The following EFCAB6 variants were observed in gnomAD, a reference collection of about 807,000 sequenced individuals.
The protein encoded by EFCAB6 is EF-hand calcium binding domain 6.
EFCAB6 carries 156 observed loss-of-function variants against 169.8 expected under a neutral mutation model. That is an observed-to-expected ratio of 0.92 (90% CI 0.81 to 1.05). The LOEUF is 1.05. Among genes scored for constraint, EFCAB6 ranks in the 50% least tolerant of loss-of-function variants. The probability of loss-of-function intolerance (pLI) is 0.00; values close to 1 mark genes in which losing one functional copy is unlikely to be tolerated. For synonymous variants in EFCAB6, 698 were observed against 676.4 expected, an observed-to-expected ratio of 1.03 and a Z score of -0.50; for missense variants, 1,800 against 1,829.1, an observed-to-expected ratio of 0.98 and a Z score of 0.29.
chr22:43,753,448 G>A (rs1195515884), intron 6 of EFCAB6, among the ~76,000 whole-genome samples: 1 of 152,096 alleles, frequency 6.6e-6, no homozygotes, highest in Admixed American at 6.6e-5. Context: ...AACCACCCTG[G>A]GCTTACAGAG....
intron 13 of EFCAB6, among the ~76,000 whole-genome samples, chr22:43,674,921 T>G (rs1046452943): frequency 6.6e-6 from 1 of 151,998 alleles, no homozygotes; most frequent in African/African-American, 2.4e-5. Flanking sequence ...CCACTAGGCT[T>G]GATCTGACTC....
rs1022849057 is a variant in EFCAB6, at chr22:43,566,508, T to C, written c.3420+9789A>G. Among the ~76,000 whole-genome samples, 4 of 152,270 alleles carry C rather than the reference T, an allele frequency of 2.6e-5. No homozygotes were observed. In the East Asian group the frequency reaches 7.7e-4, roughly 29 times the overall value. Reference sequence around the variant, plus strand: ...CTGAGCTGGGGAACAGGGAATCTTCTCTGGTCCTCACATCACCCTGAGAGG... The same window carrying C: ...CTGAGCTGGGGAACAGGGAATCTTCCCTGGTCCTCACATCACCCTGAGAGG... On this transcript the variant is annotated intron_variant, in intron 26 of 31. Transcript: ENST00000262726.
chr22:43,558,237 A>G (rs56840877), intron 26 of EFCAB6, among the ~76,000 whole-genome samples: 5,929 of 152,264 alleles, frequency 0.039, 127 homozygotes, highest in African/African-American at 0.051. Context: ...GGCATTTAGG[A>G]AAGTGGCTGG....
intron 23 of EFCAB6, among the ~76,000 whole-genome samples, chr22:43,598,190 C>T (rs2052168496): frequency 6.6e-6 from 1 of 151,250 alleles, no homozygotes; most frequent in Non-Finnish European, 1.5e-5. Context: ...ACCGGTAGTC[C>T]CAGCTACTCA....
chr22:43,562,272 C>T (rs893736050), intron 26 of EFCAB6, among the ~76,000 whole-genome samples: 53 of 152,100 alleles, frequency 3.5e-4, no homozygotes, highest in African/African-American at 1.2e-3. Flanking sequence ...GTGACTACAC[C>T]GTAATATTGG....
chr22:43,541,753 C>T (rs1005426210), intron 27 of EFCAB6, among the ~76,000 whole-genome samples: 2 of 152,202 alleles, frequency 1.3e-5, no homozygotes, highest in African/African-American at 4.8e-5. Flanking sequence ...AGATGGCCCC[C>T]CTGACACCTT....
chr22:43,741,630 G>T (rs1258907813), intron 6 of EFCAB6, among the ~76,000 whole-genome samples: 1 of 152,134 alleles, frequency 6.6e-6, no homozygotes, highest in East Asian at 1.9e-4. Flanking sequence ...TTTGTTTGCT[G>T]CCCTATCTTC....
At chr22:43,595,496 G>A (rs2051929820) in intron 23 of EFCAB6, among the ~76,000 whole-genome samples, 1 of 152,006 alleles carries the variant, frequency 6.6e-6, no homozygotes, top group African/African-American at 2.4e-5. Context: ...ACTATATGCT[G>A]ACAAATGGGA....
In EFCAB6 at chr22:43,534,758, C is replaced by T. The variant is rs2047287039; in HGVS notation, c.4163G>A (p.Cys1388Tyr). Residue 1388 changes from cysteine (C) to tyrosine (Y), a missense_variant, in exon 30 of 32, where the codon TGT (cysteine) becomes TAT (tyrosine). Physicochemically the swap from Cys to Tyr is radical, Grantham distance 194. Transcript: ENST00000262726. ...TTCCTTTGCTTTTAGCAGGAGGACACAGCTCTGAATGAAGTCACAGTATGC... is the reference window on the plus strand; with the variant it reads ...TTCCTTTGCTTTTAGCAGGAGGACATAGCTCTGAATGAAGTCACAGTATGC... ...KFAYCDFIQS[C>Y]VLLLKAKESS... 1.2e-6 allele frequency: 2 copies of T among 1,613,962 alleles called. No homozygotes were observed. The highest frequency in any genetic ancestry group is 1.3e-5 in the African/African-American group (1 of 75,040).
At chr22:43,773,272 G>A (rs982368943) in intron 3 of EFCAB6, among the ~76,000 whole-genome samples, 169 bp from the exon 4 acceptor site, 6 of 151,870 alleles carry the variant, frequency 4.0e-5, no homozygotes, top group African/African-American at 7.3e-5. Context: ...AAATCTACTC[G>A]GTCATCTTTC....
chr22:43,752,864 C>T (rs2060820791), intron 6 of EFCAB6, among the ~76,000 whole-genome samples: 1 of 152,156 alleles, frequency 6.6e-6, no homozygotes, highest in South Asian at 2.1e-4. Flanking sequence ...AAAAACCAAA[C>T]ATCTCTGTGT....
chr22:43,655,542 A>C (rs1396413444), intron 17 of EFCAB6, among the ~76,000 whole-genome samples: 2 of 150,758 alleles, frequency 1.3e-5, no homozygotes, highest in Non-Finnish European at 3.0e-5. Flanking sequence ...AAAAAGTTGG[A>C]TAATCCTAAA....
At chr22:43,656,124 C>T (rs1472453115) in intron 17 of EFCAB6, among the ~76,000 whole-genome samples, 1 of 152,170 alleles carries the variant, frequency 6.6e-6, no homozygotes, top group Non-Finnish European at 1.5e-5. Flanking sequence ...GGTGCAGTGG[C>T]TCACGCATGT....
At chr22:43,678,347 G>A (rs1405419669) in intron 12 of EFCAB6, among the ~76,000 whole-genome samples, 184 bp from the exon 13 acceptor site, 1 of 151,640 alleles carries the variant, frequency 6.6e-6, no homozygotes, top group African/African-American at 2.4e-5. Flanking sequence ...GTGTGTGTGT[G>A]TGTGTGTGTG....
At chr22:43,701,064 TA>T (rs1355243594) in intron 10 of EFCAB6, among the ~76,000 whole-genome samples, 3 of 152,226 alleles carry the variant, frequency 2.0e-5, no homozygotes, top group Non-Finnish European at 4.4e-5. Flanking sequence ...ATATGAAACC[TA>T]AATCTGGAAG....
At chr22:43,761,972 T>C (rs2061178299) in intron 5 of EFCAB6, among the ~76,000 whole-genome samples, 2 of 152,226 alleles carry the variant, frequency 1.3e-5, no homozygotes. Flanking sequence ...TTTTTAAGAT[T>C]TTTTGTGTGT....
chr22:43,653,826 G>C (rs998724585), intron 17 of EFCAB6, among the ~76,000 whole-genome samples: 6 of 152,160 alleles, frequency 3.9e-5, no homozygotes, highest in Non-Finnish European at 7.3e-5. Context: ...TTTCATGCCA[G>C]AAGTCCCATC....
chr22:43,600,156 T>G lies in EFCAB6; in HGVS notation c.2789A>C (p.Asn930Thr). ...TGGCTTTGTAAAATGACCCATGAAGTTGAAATAATCCTCTGCACAGGGCCG... is the reference window on the plus strand; with the variant it reads ...TGGCTTTGTAAAATGACCCATGAAGGTGAAATAATCCTCTGCACAGGGCCG... ...VHRPCAEDYF[N>T]FMGHFTKPQQ... Residue 930 changes from asparagine to threonine, a missense_variant, in exon 23 of 32, where the codon AAC becomes ACC. Transcript: ENST00000262726. 3 of 1,614,136 alleles carry G rather than the reference T, an allele frequency of 1.9e-6. No homozygotes were observed.
rs1344254817 is a variant in EFCAB6 at position 43,534,710 on chromosome 22, T to C, written c.4211A>G (p.Lys1404Arg). The C allele has an allele frequency of 6.2e-7, 1 of 1,611,542 alleles. No individual in the cohort carries two copies. The highest frequency in any genetic ancestry group is 8.5e-7 in the Non-Finnish European group (1 of 1,179,156). The change falls in exon 30 of 32, where the codon AAG becomes AGG. Residue 1404 changes from lysine to arginine, a missense_variant. Physicochemically the swap from Lys to Arg is conservative, Grantham distance 26. Transcript: ENST00000262726. ...AKESSLMHRM[K>R]IQNAHKMKEA... ...TACCATCTTGTGTGCATTCTGGATCTTCATCCTGTGCATCAGTGAGCTTTC... is the reference window on the plus strand; with the variant it reads ...TACCATCTTGTGTGCATTCTGGATCCTCATCCTGTGCATCAGTGAGCTTTC...
Sources: gnomAD v4.1 joint callset for allele counts (sites outside exome capture counted in the v4.1 genomes callset) on GRCh38, gnomAD v4.1.1 for gene constraint, MANE v1.5 for transcripts, NCBI Gene and HGNC (gene_info 2026-07-23, HGNC 2026-07-21) for gene names.